Variants in DGKG observed in about 807,000 individuals in gnomAD.
DGKG encodes the protein DAG kinase gamma.
DGKG carries 78 observed loss-of-function variants against 105.3 expected under a neutral mutation model. That is an observed-to-expected ratio of 0.74 (90% CI 0.62 to 0.89). The LOEUF is 0.89. Among genes scored for constraint, DGKG ranks in the 40% least tolerant of loss-of-function variants. The pLI is 0.00. For missense variants in DGKG, 958 were observed against 1,020.1 expected (o/e 0.94, Z 0.83); for synonymous variants, 346 against 367.1 (o/e 0.94, Z 0.66).
At chr3:186,225,054 T>A (rs1309799112) in intron 20 of DGKG, among the ~76,000 whole-genome samples, 1 of 152,086 alleles carries the variant, frequency 6.6e-6, no homozygotes, top group Non-Finnish European at 1.5e-5. Flanking sequence ...GAGTCCCTTT[T>A]CTTTCTGAAT....
chr3:186,288,364 A>C (rs1431808801), intron 6 of DGKG, among the ~76,000 whole-genome samples: 2 of 152,210 alleles, frequency 1.3e-5, no homozygotes, highest in Non-Finnish European at 2.9e-5. Context: ...AAAATCTATT[A>C]AGAGGAGGTA....
At position 186,294,903 on chromosome 3, in the gene DGKG, G is replaced by T. The variant is rs190339346; in HGVS notation, c.373+2518C>A. Among the ~76,000 whole-genome samples the T allele has an allele frequency of 3.3e-5, 5 of 152,248 alleles. No individual in the cohort carries two copies. The East Asian group carries it at 9.7e-4, about 29-fold the overall frequency. On this transcript the variant is annotated intron_variant, in intron 5 of 24. Transcript: ENST00000265022. ...GCCTGCTGCTGTCCCTGAAGCCTTC[G>T]GGAAGGCACAGCTGCTCCTCATCCT... is the stretch of plus-strand genomic sequence containing the variant.
Position 186,284,809 on chromosome 3 carries a change from T to TG in DGKG, c.545-101dup. Reference sequence around the variant, plus strand: ...GTTTTTAGATTAGTTCTGTCACCACTGTGACGAAGGTTATGGCAGCCAGCT... The same window carrying TG: ...GTTTTTAGATTAGTTCTGTCACCACTGGTGACGAAGGTTATGGCAGCCAGCT... On this transcript the variant is annotated intron_variant, in intron 6 of 24. Coordinates refer to ENST00000265022, the MANE Select transcript of DGKG (RefSeq NM_001346.3). This position sits in a 1 kb window ranked among gnomAD's most constrained non-coding sequence, Gnocchi z 4.0. The TG allele has an allele frequency of 7.3e-6, 7 of 963,980 alleles. No individual in the cohort carries two copies. Among genetic ancestry groups the TG allele is most frequent in the Non-Finnish European group, 1.2e-5 (7 of 603,006 alleles). 59.7% of individuals were successfully genotyped at this position (963,980 alleles called of 1,614,324 possible). A position where few individuals can be genotyped will look rare whatever the true frequency, so the allele number is the denominator to read the frequency against.
At position 186,195,165 on chromosome 3, in the gene DGKG, G is replaced by A. The variant is rs145995584; in HGVS notation, c.1918-6786C>T. On this transcript the variant is annotated intron_variant, in intron 21 of 24. Coordinates refer to ENST00000265022, the MANE Select transcript of DGKG (RefSeq NM_001346.3). ...AAAGCAGAGAGTATAATAAACCCCC[G>A]TGTACCCCAAAACCCAGTCTGGGTA... is the stretch of plus-strand genomic sequence containing the variant. 5.9e-5 allele frequency among the ~76,000 whole-genome samples: 9 copies of A among 151,876 alleles called. No individual in the cohort carries two copies. The East Asian group carries it at 1.4e-3, about 23-fold the overall frequency.
intron 3 of DGKG, among the ~76,000 whole-genome samples, chr3:186,305,364 A>C (rs1055931931): frequency 6.6e-6 from 1 of 152,238 alleles, no homozygotes; most frequent in African/African-American, 2.4e-5. Context: ...CAGCAAGCAC[A>C]ATGGTGCTGA....
rs1421302981 is a variant in DGKG at position 186,149,608 on chromosome 3, C to T, written c.*482G>A. 4.0e-5 allele frequency: 39 copies of T among 985,936 alleles called. No homozygotes were observed. Among genetic ancestry groups the T allele is most frequent in the South Asian group, 9.4e-5 (2 of 21,314 alleles). The allele number at this position is 985,936 out of a possible 1,614,324, so 61.1% of individuals were successfully genotyped here. A position where few individuals can be genotyped will look rare whatever the true frequency, so the allele number is the denominator to read the frequency against. On this transcript the variant is annotated 3_prime_UTR_variant, in exon 25 of 25. Transcript: ENST00000265022. Reference sequence around the variant, plus strand: ...GGATTATGCTCTGAGAGCCGGAGGCCGTTTTGTCTCTGTACAGAGGGAACT... The same window carrying T: ...GGATTATGCTCTGAGAGCCGGAGGCTGTTTTGTCTCTGTACAGAGGGAACT...
chr3:186,222,840 T>C (rs1719655068), intron 20 of DGKG, among the ~76,000 whole-genome samples: 1 of 150,700 alleles, frequency 6.6e-6, no homozygotes, highest in Non-Finnish European at 1.5e-5. Context: ...TAGCCAGGCG[T>C]GGTGGCGGGT....
At chr3:186,204,135 G>A (rs1353003983) in intron 21 of DGKG, among the ~76,000 whole-genome samples, 8 of 152,178 alleles carry the variant, frequency 5.3e-5, no homozygotes, top group Admixed American at 5.2e-4. Context: ...CTGGCCAGGT[G>A]TGGTGGCTGA....
chr3:186,288,016 A>G (rs1723147638), intron 6 of DGKG, among the ~76,000 whole-genome samples: 2 of 152,220 alleles, frequency 1.3e-5, no homozygotes, highest in Non-Finnish European at 2.9e-5. Flanking sequence ...GAAGCCAGGG[A>G]AACCATCACT....
chr3:186,248,280 T>A (rs1721041713), intron 19 of DGKG, among the ~76,000 whole-genome samples: 1 of 152,260 alleles, frequency 6.6e-6, no homozygotes, highest in African/African-American at 2.4e-5. Flanking sequence ...GGGCTGAAGC[T>A]TCTGCAGGCA....
At chr3:186,247,203 A>T (rs1373513169) in intron 19 of DGKG, among the ~76,000 whole-genome samples, 1 of 152,120 alleles carries the variant, frequency 6.6e-6, no homozygotes, top group African/African-American at 2.4e-5. Flanking sequence ...TGATGTGTGG[A>T]TGGGGCTGTC....
At chr3:186,357,241 C>A (rs1008257134) in intron 1 of DGKG, among the ~76,000 whole-genome samples, 2 of 152,132 alleles carry the variant, frequency 1.3e-5, no homozygotes, top group African/African-American at 2.4e-5. Flanking sequence ...AGACCCTGAG[C>A]AAAATTTTGC....
chr3:186,286,740 C>A (rs1305520467), intron 6 of DGKG, among the ~76,000 whole-genome samples: 1 of 152,006 alleles, frequency 6.6e-6, no homozygotes, highest in East Asian at 1.9e-4. Context: ...GTTTCTGTAA[C>A]AAAAAATTGC....
chr3:186,187,604 A>G (rs182925333), intron 22 of DGKG, among the ~76,000 whole-genome samples: 6 of 152,326 alleles, frequency 3.9e-5, no homozygotes, highest in African/African-American at 1.4e-4. Context: ...AGCTGGAGAC[A>G]GGCTGGAGGC....
intron 22 of DGKG, among the ~76,000 whole-genome samples, chr3:186,166,274 C>G (rs1238456460): frequency 1.3e-5 from 2 of 152,078 alleles, no homozygotes; most frequent in African/African-American, 4.8e-5. Flanking sequence ...CAGCTGCCAA[C>G]AGATACACGG....
chr3:186,317,197 C>T (rs987508155), intron 2 of DGKG, among the ~76,000 whole-genome samples: 3 of 152,246 alleles, frequency 2.0e-5, no homozygotes, highest in Non-Finnish European at 2.9e-5. Context: ...ATGCTGCACT[C>T]TTTTCCACCT....
chr3:186,329,194 G>A (rs1305484729), intron 1 of DGKG, among the ~76,000 whole-genome samples: 1 of 152,206 alleles, frequency 6.6e-6, no homozygotes, highest in African/African-American at 2.4e-5. Context: ...GACTTGGGTA[G>A]GAGAAGAGTA....
intron 21 of DGKG, among the ~76,000 whole-genome samples, chr3:186,206,625 G>T (rs927550135): frequency 6.6e-6 from 1 of 152,064 alleles, no homozygotes; most frequent in African/African-American, 2.4e-5. Flanking sequence ...GTGAAATCAG[G>T]TTAGAATGAA....
At chr3:186,347,576 C>T (rs74738362) in intron 1 of DGKG, among the ~76,000 whole-genome samples, 10,929 of 149,352 alleles carry the variant, frequency 0.073, 1,296 homozygotes, top group African/African-American at 0.25. Flanking sequence ...TCCTTTTTTA[C>T]GTATTTTTTT....
Sources: allele counts gnomAD v4.1 joint callset (sites outside exome capture counted in the v4.1 genomes callset), GRCh38; gene constraint gnomAD v4.1.1; non-coding constraint Gnocchi (gnomAD v3.1); transcripts MANE v1.5; gene names NCBI Gene and HGNC (gene_info 2026-07-23, HGNC 2026-07-21).